The following CCDC148 variants were observed in gnomAD, a reference collection of about 807,000 sequenced individuals.
CCDC148 encodes coiled-coil domain containing 148.
In CCDC148, 89 loss-of-function variants were observed where a neutral mutation model predicts 85.7. The ratio of observed to expected loss-of-function variants is 1.04; its 90% CI spans 0.87 to 1.24. The LOEUF is 1.24. Among genes scored for constraint, CCDC148 ranks in the 50% most tolerant of loss-of-function variants. The probability of loss-of-function intolerance (pLI) is 0.00; values close to 1 mark genes in which losing one functional copy is unlikely to be tolerated. For missense variants in CCDC148, 692 were observed against 671.7 expected, an observed-to-expected ratio of 1.03 and a Z score of -0.33; for synonymous variants, 230 against 213.9, an observed-to-expected ratio of 1.08 and a Z score of -0.66.
chr2:158,354,361 A>C (rs1424995078), intron 2 of CCDC148, among the ~76,000 whole-genome samples: 15 of 152,158 alleles, frequency 9.9e-5, no homozygotes, highest in Admixed American at 6.5e-5. Flanking sequence ...AGAGAGAAGA[A>C]TCTAATAGAC....
intron 9 of CCDC148, among the ~76,000 whole-genome samples, chr2:158,260,766 T>C (rs1689190109): frequency 1.3e-5 from 2 of 151,804 alleles, no homozygotes; most frequent in East Asian, 1.9e-4. Context: ...TGATTCACAA[T>C]TGTCACAAAA....
At chr2:158,261,836 A>G (rs1303132965) in intron 9 of CCDC148, among the ~76,000 whole-genome samples, 1 of 152,102 alleles carries the variant, frequency 6.6e-6, no homozygotes, top group African/African-American at 2.4e-5. Flanking sequence ...ACCAGTCACA[A>G]TGGCCATTAT....
rs548442828 is a variant in CCDC148, at chr2:158,336,283, C to T, written c.764+2443G>A. Among the ~76,000 whole-genome samples, 10 of 152,290 alleles carry T rather than the reference C, an allele frequency of 6.6e-5. No individual in the cohort carries two copies. The South Asian group carries it at 2.1e-3, about 32-fold the overall frequency. ...AGCCACAGACTACTGATAGCCACCA[C>T]CTCTGTATTTATTCAAAATCACTCT... is the stretch of plus-strand genomic sequence containing the variant. On this transcript the variant is annotated intron_variant, in intron 7 of 13. Transcript: ENST00000283233.
intron 9 of CCDC148, among the ~76,000 whole-genome samples, chr2:158,264,175 C>G (rs946939378): frequency 3.3e-5 from 5 of 151,886 alleles, no homozygotes; most frequent in African/African-American, 1.2e-4. Flanking sequence ...AAAGTGATTA[C>G]AGTATATGGA....
intron 7 of CCDC148, among the ~76,000 whole-genome samples, chr2:158,332,059 C>T (rs1321727183): frequency 6.6e-6 from 1 of 152,044 alleles, no homozygotes; most frequent in African/African-American, 2.4e-5. Context: ...ATGATGTTAG[C>T]TGGTTATTTT....
chr2:158,245,245 AT>A (rs1364624886), intron 10 of CCDC148, among the ~76,000 whole-genome samples: 1 of 152,148 alleles, frequency 6.6e-6, no homozygotes, highest in Non-Finnish European at 1.5e-5. Context: ...GAAACATGTA[AT>A]TTGGGTATTA....
chr2:158,172,198 G>T lies in CCDC148; in HGVS notation c.1691C>A (p.Thr564Lys), dbSNP rs143247186. The T allele has an allele frequency of 1.9e-6, 3 of 1,609,182 alleles. No individual in the cohort carries two copies. Among genetic ancestry groups the T allele is most frequent in the Middle Eastern group, 1.7e-4 (1 of 6,022 alleles). Reference protein sequence around the residue: ...LALREAGLHRTLYAKEILPKI... With the variant: ...LALREAGLHRKLYAKEILPKI... ...TGGTAATATCTCTTTAGCATAAAGT[G>T]TTCTATGAAGTCCAGCTTCTCGAAG... The change falls in exon 14 of 14, where the codon ACA becomes AAA. Residue 564 changes from threonine (T) to lysine (K), a missense_variant. Thr to Lys is a moderately conservative substitution (Grantham distance 78). Coordinates refer to ENST00000283233, the MANE Select transcript of CCDC148 (RefSeq NM_138803.4).
intron 2 of CCDC148, among the ~76,000 whole-genome samples, chr2:158,351,375 G>C (rs943139433): frequency 1.1e-4 from 16 of 152,168 alleles, no homozygotes; most frequent in Admixed American, 3.9e-4. Flanking sequence ...TCAGTGGGTG[G>C]GCGCAACGTG....
intron 9 of CCDC148, among the ~76,000 whole-genome samples, chr2:158,259,423 G>A (rs1689131776): frequency 6.6e-6 from 1 of 151,860 alleles, no homozygotes; most frequent in Non-Finnish European, 1.5e-5. Context: ...CCTGATAGAT[G>A]CTCAATAGAT....
chr2:158,306,347 C>G (rs891911109), intron 9 of CCDC148, among the ~76,000 whole-genome samples: 1 of 151,858 alleles, frequency 6.6e-6, no homozygotes, highest in Non-Finnish European at 1.5e-5. Flanking sequence ...ACAGTGAAAC[C>G]CCATCTCTAC....
At chr2:158,297,488 C>A (rs372262102) in intron 9 of CCDC148, among the ~76,000 whole-genome samples, 11 of 152,058 alleles carry the variant, frequency 7.2e-5, no homozygotes. Context: ...CAGCTTGGAC[C>A]AGGAGAATGA....
intron 2 of CCDC148, among the ~76,000 whole-genome samples, chr2:158,348,822 T>C (rs1683123065): frequency 6.6e-6 from 1 of 152,088 alleles, no homozygotes; most frequent in African/African-American, 2.4e-5. Context: ...TTCTATAACA[T>C]TTTTAAAAAG....
At chr2:158,389,832 T>C (rs1296230910) in intron 1 of CCDC148, among the ~76,000 whole-genome samples, 2 of 152,222 alleles carry the variant, frequency 1.3e-5, no homozygotes, top group African/African-American at 4.8e-5. Context: ...ACACTTCCTT[T>C]GGTCATTTTA....
chr2:158,425,170 G>C, intron 1 of CCDC148: 1 of 523,402 alleles, frequency 1.9e-6, no homozygotes, highest in South Asian at 1.4e-5. Flanking sequence ...GGCTATGGCA[G>C]ATATGATCAT....
At chr2:158,212,385 T>A (rs1686625945) in intron 11 of CCDC148, among the ~76,000 whole-genome samples, 1 of 152,242 alleles carries the variant, frequency 6.6e-6, no homozygotes, top group Non-Finnish European at 1.5e-5. Flanking sequence ...TTAAATTTCC[T>A]TAATGCCTTC....
At chr2:158,200,594 G>A (rs1685905908) in intron 11 of CCDC148, among the ~76,000 whole-genome samples, 1 of 152,170 alleles carries the variant, frequency 6.6e-6, no homozygotes, top group African/African-American at 2.4e-5. Flanking sequence ...CCAACTCATT[G>A]ACTAAGAAAT....
intron 2 of CCDC148, 50 bp downstream of exon 2, chr2:158,358,399 C>A (rs1402293981): frequency 6.3e-7 from 1 of 1,578,268 alleles, no homozygotes; most frequent in South Asian, 1.2e-5. Flanking sequence ...TACTTTCCAG[C>A]AATTCGATTT....
intron 10 of CCDC148, among the ~76,000 whole-genome samples, chr2:158,231,050 A>G (rs1324818581): frequency 6.6e-6 from 1 of 152,164 alleles, no homozygotes; most frequent in African/African-American, 2.4e-5. Flanking sequence ...AAGACCTCTA[A>G]GTTGGAGGGG....
At chr2:158,226,358 CCA>C (rs1558998640) in intron 10 of CCDC148, among the ~76,000 whole-genome samples, 19,056 of 152,006 alleles carry the variant, frequency 0.13, 1,462 homozygotes, top group African/African-American at 0.23. Flanking sequence ...GGATTCACAG[CCA>C]TATTCTATCA....
Sources: allele counts gnomAD v4.1 joint callset (sites outside exome capture counted in the v4.1 genomes callset), GRCh38; gene constraint gnomAD v4.1.1; transcripts MANE v1.5; gene names NCBI Gene and HGNC (gene_info 2026-07-23, HGNC 2026-07-21).